ENOX2: variants seen among roughly 807,000 people sequenced by gnomAD.
ENOX2 encodes the protein ecto-NOX disulfide-thiol exchanger 2.
In ENOX2, 36 loss-of-function variants were observed where a neutral mutation model predicts 45.0. The observed-to-expected ratio is 0.80, with a 90% CI of 0.61 to 1.06. The LOEUF is 1.06. ENOX2 is among the 50% of genes least tolerant of loss of function. The pLI, the probability that ENOX2 is intolerant of heterozygous loss-of-function variation, is 0.00. For missense variants in ENOX2, 423 were observed against 462.5 expected (o/e 0.91, Z 0.78); for synonymous variants, 174 against 152.3 (o/e 1.14, Z -1.05).
chrX:130,656,259 C>G (rs1444866158), intron 10 of ENOX2, among the ~76,000 whole-genome samples: 5 of 112,681 alleles, frequency 4.4e-5, no homozygotes, highest in Non-Finnish European at 9.4e-5. Context: ...CACTAAGGAC[C>G]TGTAACACGG....
At chrX:130,745,412 T>C (rs1340129484) in intron 3 of ENOX2, among the ~76,000 whole-genome samples, 1 of 112,012 alleles carries the variant, frequency 8.9e-6, no homozygotes, top group Non-Finnish European at 1.9e-5. Flanking sequence ...CGGATTCATA[T>C]GATGCTTGTC....
intron 3 of ENOX2, among the ~76,000 whole-genome samples, chrX:130,777,207 G>T (rs2039875405): frequency 9.0e-6 from 1 of 111,236 alleles, no homozygotes; most frequent in South Asian, 3.9e-4. Context: ...TTATAAAAAT[G>T]ATGGAGTTTG....
intron 2 of ENOX2, among the ~76,000 whole-genome samples, chrX:130,891,701 T>C (rs977596494): frequency 1.8e-5 from 2 of 109,090 alleles, no homozygotes; most frequent in Non-Finnish European, 3.8e-5. Context: ...TGACTGGTAC[T>C]GGGATTCGAA....
At chrX:130,717,840 C>A (rs1454596610) in intron 3 of ENOX2, among the ~76,000 whole-genome samples, 1 of 111,736 alleles carries the variant, frequency 8.9e-6, no homozygotes, top group Non-Finnish European at 1.9e-5. Context: ...TGTACCCCTC[C>A]CTAATCGCTT....
intron 12 of ENOX2, among the ~76,000 whole-genome samples, chrX:130,632,402 A>G: frequency 1.0e-5 from 1 of 97,119 alleles, no homozygotes; most frequent in African/African-American, 3.6e-5. Context: ...CTCAGGTGAA[A>G]TCCATGACCA....
At chrX:130,635,714 C>T (rs779282731) in intron 11 of ENOX2, among the ~76,000 whole-genome samples, 1 of 111,892 alleles carries the variant, frequency 8.9e-6, no homozygotes, top group Non-Finnish European at 1.9e-5. Flanking sequence ...GCTTCCCTAA[C>T]GCCATTCAGA....
intron 4 of ENOX2, among the ~76,000 whole-genome samples, chrX:130,694,007 C>T (rs906514936): frequency 3.6e-5 from 4 of 111,595 alleles, no homozygotes; most frequent in Non-Finnish European, 7.5e-5. Context: ...TACCAAGGTG[C>T]CATGCATATG....
chrX:130,645,854 G>A (rs1177222770), intron 10 of ENOX2: 17 of 685,250 alleles, frequency 2.5e-5, no homozygotes, highest in Non-Finnish European at 3.8e-5. Flanking sequence ...CAGTGAGAGA[G>A]AGGAATCCCC....
chrX:130,629,707 T>G (rs1206605642), intron 13 of ENOX2, among the ~76,000 whole-genome samples: 1 of 112,371 alleles, frequency 8.9e-6, no homozygotes, highest in African/African-American at 3.2e-5. Context: ...CTTAAAAATA[T>G]GCAGAAGCCA....
chrX:130,822,699 G>A (rs961817510), intron 2 of ENOX2, among the ~76,000 whole-genome samples: 3 of 110,391 alleles, frequency 2.7e-5, no homozygotes, highest in African/African-American at 9.9e-5. Context: ...AATGGGTGCA[G>A]CACACCAACA....
chrX:130,847,933 T>TA (rs2078139723), intron 2 of ENOX2, among the ~76,000 whole-genome samples: 1 of 111,936 alleles, frequency 8.9e-6, no homozygotes, highest in African/African-American at 3.3e-5. Context: ...TAACCCCAGT[T>TA]TCAAAGCTCT....
At chrX:130,691,921 T>C (rs2037608315) in intron 4 of ENOX2, among the ~76,000 whole-genome samples, 1 of 113,243 alleles carries the variant, frequency 8.8e-6, no homozygotes, top group Admixed American at 9.3e-5. Flanking sequence ...CTGATGTACT[T>C]ACCACTCTGC....
At chrX:130,820,357 T>G (rs1426619474) in intron 2 of ENOX2, among the ~76,000 whole-genome samples, 1 of 112,199 alleles carries the variant, frequency 8.9e-6, no homozygotes, top group Non-Finnish European at 1.9e-5. Context: ...TGCACATTGT[T>G]GGTGGTAATA....
chrX:130,895,705 C>G (rs1474690565), intron 2 of ENOX2, among the ~76,000 whole-genome samples: 4 of 111,774 alleles, frequency 3.6e-5, no homozygotes, highest in African/African-American at 1.3e-4. Context: ...AAACAGAGCA[C>G]CAGAAAGGGG....
At chrX:130,722,939 C>A (rs182097351) in intron 3 of ENOX2, among the ~76,000 whole-genome samples, 23 of 112,471 alleles carry the variant, frequency 2.0e-4, no homozygotes, top group Admixed American at 1.5e-3. Context: ...AATCTGCTGT[C>A]TGACAACTAG....
At chrX:130,634,714 C>G (rs2035884233) in intron 12 of ENOX2, among the ~76,000 whole-genome samples, 1 of 111,407 alleles carries the variant, frequency 9.0e-6, no homozygotes, top group Non-Finnish European at 1.9e-5. Context: ...CTGGTCGTCT[C>G]CAAGAGAGAA....
intron 5 of ENOX2, among the ~76,000 whole-genome samples, chrX:130,684,963 CA>C (rs1443826927): frequency 1.8e-5 from 2 of 109,027 alleles, no homozygotes; most frequent in Non-Finnish European, 3.8e-5. Flanking sequence ...GACCCTGTCT[CA>C]AAAAAAAGAA....
At chrX:130,687,317 G>T (rs2037474183) in intron 5 of ENOX2, among the ~76,000 whole-genome samples, 1 of 112,212 alleles carries the variant, frequency 8.9e-6, no homozygotes, top group Admixed American at 9.4e-5. Context: ...GCTGCAGGCT[G>T]ATTATGCGAT....
intron 3 of ENOX2, among the ~76,000 whole-genome samples, chrX:130,775,701 T>G (rs2039840578): frequency 9.0e-6 from 1 of 111,530 alleles, no homozygotes; most frequent in East Asian, 2.8e-4. Context: ...GAAGTCTCAT[T>G]AGGCCTTAGA....
Sources: gnomAD v4.1 joint callset for allele counts (sites outside exome capture counted in the v4.1 genomes callset) on GRCh38, gnomAD v4.1.1 for gene constraint, MANE v1.5 for transcripts, NCBI Gene and HGNC (gene_info 2026-07-23, HGNC 2026-07-21) for gene names.